The following PTK7 variants were observed in gnomAD, a reference collection of about 807,000 sequenced individuals.
The protein encoded by PTK7 is inactive tyrosine-protein kinase 7.
Under a neutral mutation model 116.6 loss-of-function variants are expected in PTK7, and 39 were observed. That is an observed-to-expected ratio of 0.33 (90% CI 0.26 to 0.44). The LOEUF (loss-of-function observed/expected upper bound fraction) is 0.44, where lower values mean the gene tolerates loss of function less well. Ranked by LOEUF, PTK7 falls within the 20% of genes least tolerant of loss-of-function variation. PTK7 has a pLI of 1.00. For synonymous variants in PTK7, 546 were observed against 563.6 expected, an observed-to-expected ratio of 0.97 and a Z score of 0.44; for missense variants, 1,169 against 1,425.6, an observed-to-expected ratio of 0.82 and a Z score of 2.90.
chr6:43,133,434 G>C (rs1293540168), intron 7 of PTK7: 1 of 152,164 alleles, frequency 6.6e-6, no homozygotes, highest in East Asian at 1.9e-4. Context: ...TTAGCTGGGC[G>C]TGGTGGGGCA....
chr6:43,113,699 A>T (rs766303412), intron 1 of PTK7, among the ~76,000 whole-genome samples: 77 of 152,298 alleles, frequency 5.1e-4, no homozygotes, highest in Non-Finnish European at 1.0e-3. Flanking sequence ...GAAAAGCTGG[A>T]TGGAAATTGC....
chr6:43,152,618 G>T (rs1275456799), intron 17 of PTK7, among the ~76,000 whole-genome samples: 1 of 152,226 alleles, frequency 6.6e-6, no homozygotes, highest in Non-Finnish European at 1.5e-5. Flanking sequence ...CACTGATCAG[G>T]ACGATGATGG....
intron 1 of PTK7, among the ~76,000 whole-genome samples, chr6:43,089,936 T>TGTAA (rs1766856799): frequency 6.6e-6 from 1 of 152,248 alleles, no homozygotes; most frequent in South Asian, 2.1e-4. Flanking sequence ...TTACTGCCTA[T>TGTAA]GTAAGAGGCT....
chr6:43,120,923 CAA>C (rs1768918499), intron 1 of PTK7, among the ~76,000 whole-genome samples: 1 of 152,068 alleles, frequency 6.6e-6, no homozygotes, highest in South Asian at 2.1e-4. Context: ...ACTCCACAGC[CAA>C]TAAAGGGTCA....
chr6:43,158,459 C>T (rs1277914145), intron 17 of PTK7, among the ~76,000 whole-genome samples: 2 of 152,108 alleles, frequency 1.3e-5, no homozygotes, highest in Admixed American at 1.3e-4. Flanking sequence ...CAGAGCAAGA[C>T]CCTGTCACTT....
At chr6:43,089,356 T>G (rs1057490955) in intron 1 of PTK7, among the ~76,000 whole-genome samples, 6 of 152,174 alleles carry the variant, frequency 3.9e-5, no homozygotes, top group African/African-American at 1.2e-4. Flanking sequence ...CTCATCTGTT[T>G]ACAAAGCTGG....
chr6:43,157,379 T>TTTTC, intron 17 of PTK7, among the ~76,000 whole-genome samples: 1 of 100,888 alleles, frequency 9.9e-6, no homozygotes, highest in Non-Finnish European at 2.0e-5. Context: ...TTTTTTTCTT[T>TTTTC]TTTTTTTTTT....
intron 1 of PTK7, among the ~76,000 whole-genome samples, chr6:43,105,858 A>G (rs1168377911): frequency 6.6e-6 from 1 of 152,026 alleles, no homozygotes; most frequent in Non-Finnish European, 1.5e-5. Context: ...TTGATTTTGC[A>G]CTCTGGCCTC....
chr6:43,111,296 A>G (rs1156517265), intron 1 of PTK7, among the ~76,000 whole-genome samples: 1 of 152,168 alleles, frequency 6.6e-6, no homozygotes, highest in Non-Finnish European at 1.5e-5. Flanking sequence ...ACGTACCTGT[A>G]TTTAGTGATC....
chr6:43,078,518 A>G (rs1766188541), intron 1 of PTK7, among the ~76,000 whole-genome samples: 1 of 140,840 alleles, frequency 7.1e-6, no homozygotes, highest in South Asian at 2.2e-4. Flanking sequence ...CCCCAGACGC[A>G]TGACTTCAGG....
At position 43,076,901 on chromosome 6, in the gene PTK7, G is replaced by A. The variant is rs1766051077; in HGVS notation, c.79+334G>A. ...GGGCCCAGATGGGGAGTTTCTTGTC[G>A]GGGGAGAAAAGACCATCCGCACCCA... On this transcript the variant is annotated intron_variant, in intron 1 of 19. Transcript: ENST00000230419. The surrounding 1 kb of genome is among the most constrained non-coding windows in gnomAD (Gnocchi z 5.7). The A allele has an allele frequency of 2.0e-6, 3 of 1,510,774 alleles. No individual in the cohort carries two copies. Among genetic ancestry groups the A allele is most frequent in the African/African-American group, 1.4e-5 (1 of 72,246 alleles). The allele number at this position is 1,510,774 out of a possible 1,614,324, so 93.6% of individuals were successfully genotyped here.
intron 1 of PTK7, among the ~76,000 whole-genome samples, chr6:43,084,208 G>A (rs1312656992): frequency 6.6e-6 from 1 of 152,198 alleles, no homozygotes; most frequent in Non-Finnish European, 1.5e-5. Flanking sequence ...ACAGCTCACT[G>A]CAGCCTTGTC....
chr6:43,078,694 A>G (rs1766199876), intron 1 of PTK7, among the ~76,000 whole-genome samples: 1 of 152,238 alleles, frequency 6.6e-6, no homozygotes, highest in African/African-American at 2.4e-5. Context: ...TAATTATGCC[A>G]TAAATGGCAG....
At chr6:43,122,365 G>C (rs993769589) in intron 1 of PTK7, among the ~76,000 whole-genome samples, 6 of 152,128 alleles carry the variant, frequency 3.9e-5, no homozygotes, top group African/African-American at 7.2e-5. Flanking sequence ...TTTGTCCTCT[G>C]TGGGTCAGGG....
intron 1 of PTK7, among the ~76,000 whole-genome samples, chr6:43,099,937 G>A (rs973630714): frequency 6.6e-6 from 1 of 152,042 alleles, no homozygotes; most frequent in African/African-American, 2.4e-5. Flanking sequence ...GCCCAGGCTG[G>A]AATGCAATGG....
At chr6:43,100,777 A>G (rs1011870504) in intron 1 of PTK7, among the ~76,000 whole-genome samples, 25 of 152,228 alleles carry the variant, frequency 1.6e-4, no homozygotes, top group African/African-American at 5.3e-4. Flanking sequence ...ACCAAAAACC[A>G]ACTGCTTTTT....
At chr6:43,106,650 C>CTTT (rs11312929) in intron 1 of PTK7, among the ~76,000 whole-genome samples, 15 of 98,606 alleles carry the variant, frequency 1.5e-4, no homozygotes, top group Admixed American at 2.6e-4. Flanking sequence ...TCCTCCCTGC[C>CTTT]TTTTTTTTTT....
At position 43,076,442 on chromosome 6, in the gene PTK7, TGC is replaced by T; in HGVS notation, c.-42_-41del. 6.8e-7 allele frequency: 1 copy of T among 1,470,942 alleles called. No homozygotes were observed. 91.1% of individuals were successfully genotyped at this position (1,470,942 alleles called of 1,614,324 possible). A position where few individuals can be genotyped will look rare whatever the true frequency, so the allele number is the denominator to read the frequency against. Reference sequence around the variant, plus strand: ...CCTGTGCCCGCCGCGGAGCGCAGTCTGCGCGCCCGCCGTGCGCCCTCAGCTCC... The same window carrying T: ...CCTGTGCCCGCCGCGGAGCGCAGTCTGCGCCCGCCGTGCGCCCTCAGCTCC... On this transcript the variant is annotated 5_prime_UTR_variant, in exon 1 of 20. Coordinates refer to ENST00000230419, the MANE Select transcript of PTK7 (RefSeq NM_002821.5). The surrounding 1 kb of genome is among the most constrained non-coding windows in gnomAD (Gnocchi z 5.7).
chr6:43,082,584 TG>T (rs1766439350), intron 1 of PTK7, among the ~76,000 whole-genome samples: 1 of 152,222 alleles, frequency 6.6e-6, no homozygotes, highest in African/African-American at 2.4e-5. Flanking sequence ...AGAGCTTTCC[TG>T]TTGCAACAGT....
Sources: allele counts gnomAD v4.1 joint callset (sites outside exome capture counted in the v4.1 genomes callset), GRCh38; gene constraint gnomAD v4.1.1; non-coding constraint Gnocchi (gnomAD v3.1); transcripts MANE v1.5; gene names NCBI Gene and HGNC (gene_info 2026-07-23, HGNC 2026-07-21).